DAGLA: variants seen among roughly 807,000 people sequenced by gnomAD.
DAGLA encodes diacylglycerol lipase alpha, also known as diacylglycerol lipase-alpha.
Under a neutral mutation model 102.6 loss-of-function variants are expected in DAGLA, and 22 were observed. The ratio of observed to expected loss-of-function variants is 0.21; its 90% CI spans 0.15 to 0.31. The LOEUF is 0.31. Ranked by LOEUF, DAGLA falls within the 10% of genes least tolerant of loss-of-function variation. The pLI, the probability that DAGLA is intolerant of heterozygous loss-of-function variation, is 1.00. For synonymous variants in DAGLA, 578 were observed against 628.9 expected, an observed-to-expected ratio of 0.92 and a Z score of 1.21; for missense variants, 927 against 1,446.6, an observed-to-expected ratio of 0.64 and a Z score of 5.83.
chr11:61,689,605 C>T lies in DAGLA; in HGVS notation c.-45+9101C>T, dbSNP rs563797571. ...CTGCAAGCTCTACCTCCTGGGTTCA[C>T]GCCATTCTCCTGCCTCAGACTCCCA... On this transcript the variant is annotated intron_variant, in intron 1 of 19. Transcript: ENST00000257215. 2.4e-4 allele frequency among the ~76,000 whole-genome samples: 37 copies of T among 151,766 alleles called. 1 individual carries two copies. In the East Asian group the frequency reaches 7.0e-3, roughly 29 times the overall value.
intron 19 of DAGLA, 87 bp downstream of exon 19, chr11:61,741,436 A>T: frequency 7.0e-7 from 1 of 1,426,592 alleles, no homozygotes; most frequent in Non-Finnish European, 9.4e-7. Context: ...TTGTGCATGC[A>T]CTGGGCTCAG....
intron 5 of DAGLA, among the ~76,000 whole-genome samples, chr11:61,725,045 T>C (rs528476293): frequency 8.9e-4 from 136 of 152,216 alleles, no homozygotes; most frequent in African/African-American, 3.1e-3. Flanking sequence ...GCCTGGCCTG[T>C]CACTACAGAT....
At chr11:61,730,572 G>A (rs926056372) in intron 8 of DAGLA, among the ~76,000 whole-genome samples, 1 of 152,150 alleles carries the variant, frequency 6.6e-6, no homozygotes, top group Non-Finnish European at 1.5e-5. Flanking sequence ...GGGCACTCGG[G>A]AAAGACTGGA....
chr11:61,717,969 AG>A (rs2065249901), intron 1 of DAGLA, among the ~76,000 whole-genome samples: 1 of 152,158 alleles, frequency 6.6e-6, no homozygotes, highest in Non-Finnish European at 1.5e-5. Context: ...GTTCGGGCAG[AG>A]GAGGGGAGTG....
intron 5 of DAGLA, 100 bp from the exon 6 acceptor site, chr11:61,725,895 G>C (rs896868681): frequency 1.8e-6 from 2 of 1,113,722 alleles, no homozygotes; most frequent in African/African-American, 3.1e-5. Flanking sequence ...CCCTTTGGTA[G>C]GGTCCTGGGA....
chr11:61,739,691 G>T (rs754914470), intron 17 of DAGLA, 30 bp downstream of exon 17: 9 of 1,606,272 alleles, frequency 5.6e-6, no homozygotes, highest in Admixed American at 1.7e-5. Context: ...GCTGCTGCAG[G>T]GGGTAGTGGC....
intron 12 of DAGLA, 101 bp from the exon 13 acceptor site, chr11:61,736,168 GA>G (rs545247573): frequency 5.0e-6 from 5 of 998,878 alleles, no homozygotes; most frequent in Non-Finnish European, 6.3e-6. Context: ...GGCCCAAAGG[GA>G]AAAATGGATG....
chr11:61,688,113 G>A (rs2064999199), intron 1 of DAGLA, among the ~76,000 whole-genome samples: 1 of 151,988 alleles, frequency 6.6e-6, no homozygotes, highest in Admixed American at 6.6e-5. Context: ...TCAGGAGATC[G>A]AGACCATCCT....
intron 1 of DAGLA, among the ~76,000 whole-genome samples, chr11:61,708,837 G>A (rs2135568492): frequency 6.6e-6 from 1 of 152,286 alleles, no homozygotes; most frequent in South Asian, 2.1e-4. Flanking sequence ...CAAGGCACTG[G>A]GACCAAAGCC....
rs752694100 is a variant in DAGLA at position 61,686,581 on chromosome 11, C to T, written c.-45+6077C>T. On this transcript the variant is annotated intron_variant, in intron 1 of 19. Coordinates refer to ENST00000257215, the MANE Select transcript of DAGLA (RefSeq NM_006133.3). This position sits in a 1 kb window ranked among gnomAD's most constrained non-coding sequence, Gnocchi z 5.2. ...AGGATGGAGGAGAACAGGGCTTGCCCTCACCTGTGTTTGGGGGCTGCTCCT... is the reference window on the plus strand; with the variant it reads ...AGGATGGAGGAGAACAGGGCTTGCCTTCACCTGTGTTTGGGGGCTGCTCCT... Among the ~76,000 whole-genome samples the T allele has an allele frequency of 6.6e-6, 1 of 152,222 alleles. No homozygotes were observed. Among genetic ancestry groups the T allele is most frequent in the Non-Finnish European group, 1.5e-5 (1 of 68,044 alleles).
At chr11:61,714,069 C>T (rs1050768087) in intron 1 of DAGLA, among the ~76,000 whole-genome samples, 3 of 152,194 alleles carry the variant, frequency 2.0e-5, no homozygotes, top group Non-Finnish European at 4.4e-5. Context: ...TCCACATTTA[C>T]TTTGGCAACC....
chr11:61,744,375 C>T lies in DAGLA; in HGVS notation c.3015C>T (p.Pro1005=), dbSNP rs1228852198. The change falls in exon 20 of 20, where the codon CCC becomes CCT. Residue 1005 remains proline, a synonymous_variant. Coordinates refer to ENST00000257215, the MANE Select transcript of DAGLA (RefSeq NM_006133.3). ...CGGGTGAGCTCATGGACCTGACGCC[C>T]ACGGGCCTCAGTAGCCAGGAATGCC... ...SSSGELMDLT[P]TGLSSQECLA... is the part of the protein sequence containing the mutation. 11 of 1,611,790 alleles carry T rather than the reference C, an allele frequency of 6.8e-6. No individual in the cohort carries two copies. The highest frequency in any genetic ancestry group is 9.3e-6 in the Non-Finnish European group (11 of 1,179,250).
chr11:61,742,610 G>C (rs969479965), intron 19 of DAGLA, among the ~76,000 whole-genome samples: 6 of 152,174 alleles, frequency 3.9e-5, no homozygotes, highest in Admixed American at 2.6e-4. Flanking sequence ...AGAGGGCTGC[G>C]GCCCATGGGA....
chr11:61,728,642 A>G (rs1345190233), intron 7 of DAGLA, among the ~76,000 whole-genome samples: 2 of 151,820 alleles, frequency 1.3e-5, no homozygotes, highest in East Asian at 1.9e-4. Flanking sequence ...CAGCACACCA[A>G]CCCCAGTTAG....
chr11:61,720,854 C>T lies in DAGLA; in HGVS notation c.271C>T (p.Arg91Cys), dbSNP rs2065275566. 1.9e-6 allele frequency: 3 copies of T among 1,613,440 alleles called. No homozygotes were observed. The highest frequency in any genetic ancestry group is 2.5e-6 in the Non-Finnish European group (3 of 1,180,034). ...MRGGILYTEP[R>C]DSMQYVLYVR... is the part of the protein sequence containing the mutation. ...CGGGGGCATCCTCTACACGGAGCCC[C>T]GTGACTCCATGCAGTACGTGCTCTA... The change falls in exon 3 of 20, where the codon CGT becomes TGT. Residue 91 changes from arginine to cysteine, a missense_variant. Transcript: ENST00000257215.
At chr11:61,718,687 C>T (rs934005118) in intron 1 of DAGLA, among the ~76,000 whole-genome samples, 1 of 152,030 alleles carries the variant, frequency 6.6e-6, no homozygotes, top group Non-Finnish European at 1.5e-5. Flanking sequence ...CCGACTCCTC[C>T]TTGGAGAGAG....
At chr11:61,735,890 T>C in intron 12 of DAGLA, 74 bp downstream of exon 12, 1 of 1,389,748 alleles carries the variant, frequency 7.2e-7, no homozygotes, top group Non-Finnish European at 9.8e-7. Flanking sequence ...CGTGTATGGT[T>C]GGGGGTTCCT....
chr11:61,739,590 A>G lies in DAGLA; in HGVS notation c.1782A>G (p.Ser594=), dbSNP rs1372382636. 4 of 1,614,084 alleles carry G rather than the reference A, an allele frequency of 2.5e-6. No individual in the cohort carries two copies. Among genetic ancestry groups the G allele is most frequent in the Non-Finnish European group, 3.4e-6 (4 of 1,180,028 alleles). The change falls in exon 17 of 20, where the codon TCA becomes TCG. Residue 594 remains serine, a synonymous_variant. Coordinates refer to ENST00000257215, the MANE Select transcript of DAGLA (RefSeq NM_006133.3). Reference sequence around the variant, plus strand: ...CCAGCGACCTAACTATAGCCCTCTCAGCCAGCACTCCACTCTACCCGCCCG... The same window carrying G: ...CCAGCGACCTAACTATAGCCCTCTCGGCCAGCACTCCACTCTACCCGCCCG... ...THPSDLTIAL[S]ASTPLYPPGR...
At chr11:61,680,789 G>A (rs1384713254) in intron 1 of DAGLA, among the ~76,000 whole-genome samples, 1 of 152,114 alleles carries the variant, frequency 6.6e-6, no homozygotes, top group Non-Finnish European at 1.5e-5. Flanking sequence ...ACCTTGGTGC[G>A]GTGGTGGCCA....
Sources: gnomAD v4.1 joint callset for allele counts (sites outside exome capture counted in the v4.1 genomes callset) on GRCh38, gnomAD v4.1.1 for gene constraint, Gnocchi (gnomAD v3.1) non-coding constraint, MANE v1.5 for transcripts, NCBI Gene and HGNC (gene_info 2026-07-23, HGNC 2026-07-21) for gene names.